The following CEBPZ variants were observed in gnomAD, a reference collection of about 807,000 sequenced individuals.
CEBPZ encodes CCAAT/enhancer-binding protein zeta.
In CEBPZ, 78 loss-of-function variants were observed where a neutral mutation model predicts 104.5. The observed-to-expected ratio is 0.75, with a 90% CI of 0.62 to 0.90. The LOEUF is 0.90. CEBPZ is among the 40% of genes least tolerant of loss of function. The pLI, the probability that CEBPZ is intolerant of heterozygous loss-of-function variation, is 0.00. For missense variants in CEBPZ, 1,439 were observed against 1,233.5 expected (o/e 1.17, Z -2.50); for synonymous variants, 470 against 427.0 (o/e 1.10, Z -1.24).
chr2:37,229,029 T>A lies in CEBPZ; in HGVS notation c.164A>T (p.Tyr55Phe). 1 of 1,529,162 alleles carries A rather than the reference T, an allele frequency of 6.5e-7. No homozygotes were observed. Among genetic ancestry groups the A allele is most frequent in the Non-Finnish European group, 8.8e-7 (1 of 1,142,744 alleles). 94.7% of individuals were successfully genotyped at this position (1,529,162 alleles called of 1,614,324 possible). ...VLRLGGTKQDYLMLATLDENE... is the reference protein window; with the variant it reads ...VLRLGGTKQDFLMLATLDENE... ...CTCATCCAAAGTAGCCAGCATAAGG[T>A]AATCTTGCTGCATTAAAAACATAAG... Residue 55 changes from tyrosine to phenylalanine, a missense_variant, in exon 2 of 16, where the codon TAC becomes TTC. Tyr to Phe is a conservative substitution (Grantham distance 22). Transcript: ENST00000234170.
At position 37,228,878 on chromosome 2, in the gene CEBPZ, A is replaced by G. The variant is rs774344973; in HGVS notation, c.315T>C (p.Asp105=). The G allele has an allele frequency of 1.9e-6, 3 of 1,604,952 alleles. No individual in the cohort carries two copies. The highest frequency in any genetic ancestry group is 2.5e-6 in the Non-Finnish European group (3 of 1,177,732). ...TGGAATTTTCTTTTTCAGCTGGTTC[A>G]TCTTCTTCAACTAAGGAAGCTTTTG... ...KYTKASLVEE[D]EPAEKENSSK... The change falls in exon 2 of 16, where the codon GAT becomes GAC. Residue 105 remains aspartate (D), a synonymous_variant. Coordinates refer to ENST00000234170, the MANE Select transcript of CEBPZ (RefSeq NM_005760.3).
intron 13 of CEBPZ, chr2:37,204,270 A>G (rs1233129275): frequency 3.5e-5 from 5 of 142,876 alleles, no homozygotes; most frequent in Non-Finnish European, 7.5e-5. Flanking sequence ...TGCCTGGCTA[A>G]TTTTTGATTT....
At chr2:37,218,640 A>T (rs995727617) in intron 5 of CEBPZ, among the ~76,000 whole-genome samples, 1 of 152,204 alleles carries the variant, frequency 6.6e-6, no homozygotes, top group African/African-American at 2.4e-5. Flanking sequence ...ACAGTGGCTC[A>T]TGCCTGTAAT....
chr2:37,215,114 A>G (rs1007572964), intron 8 of CEBPZ, among the ~76,000 whole-genome samples, 162 bp from the exon 9 acceptor site: 1 of 152,170 alleles, frequency 6.6e-6, no homozygotes, highest in Non-Finnish European at 1.5e-5. Flanking sequence ...CAATCTCTGA[A>G]AAAGTCTGTG....
At chr2:37,221,776 A>C (rs1369416331) in intron 4 of CEBPZ, among the ~76,000 whole-genome samples, 4 of 152,152 alleles carry the variant, frequency 2.6e-5, no homozygotes, top group Non-Finnish European at 5.9e-5. Context: ...GTGAGTCCCA[A>C]AGCAAGCTGA....
chr2:37,214,511 G>A (rs1428039227), intron 9 of CEBPZ, among the ~76,000 whole-genome samples: 1 of 151,980 alleles, frequency 6.6e-6, no homozygotes, highest in Non-Finnish European at 1.5e-5. Flanking sequence ...AGCCTATAAA[G>A]AAAATTATTA....
intron 9 of CEBPZ, 55 bp downstream of exon 9, chr2:37,214,830 TC>T: frequency 9.2e-7 from 1 of 1,082,976 alleles, no homozygotes; most frequent in Non-Finnish European, 1.4e-6. Context: ...TTTTATGAAA[TC>T]TAAAAATTTA....
rs1664798226 is a variant in CEBPZ, at chr2:37,222,561, C to G, written c.1884G>C (p.Glu628Asp). The G allele has an allele frequency of 5.7e-6, 9 of 1,578,962 alleles. No homozygotes were observed. The highest frequency in any genetic ancestry group is 7.7e-6 in the Non-Finnish European group (9 of 1,167,294). ...GLRSQLDDHP[E>D]SDDEENFIDA... is the part of the protein sequence containing the mutation. ...CAATAAAATTTTCTTCATCATCAGA[C>G]TCCTAACAAAAGTATAGTTTCATAA... The change falls in exon 4 of 16, where the codon GAG becomes GAC. Residue 628 changes from glutamate (E) to aspartate (D), a missense_variant and splice_region_variant. Transcript: ENST00000234170.
Sources: gnomAD v4.1 joint callset for allele counts (sites outside exome capture counted in the v4.1 genomes callset) on GRCh38, gnomAD v4.1.1 for gene constraint, MANE v1.5 for transcripts, NCBI Gene and HGNC (gene_info 2026-07-23, HGNC 2026-07-21) for gene names.